Variants in ALPK1 observed in about 807,000 individuals in gnomAD.
ALPK1 encodes the protein alpha-protein kinase 1.
ALPK1 carries 110 observed loss-of-function variants against 120.6 expected under a neutral mutation model. That is an observed-to-expected ratio of 0.91 (90% confidence interval 0.78 to 1.07). The LOEUF (loss-of-function observed/expected upper bound fraction) is 1.07, where lower values mean the gene tolerates loss of function less well. Ranked by LOEUF, ALPK1 falls within the 50% of genes least tolerant of loss-of-function variation. The pLI, the probability that ALPK1 is intolerant of heterozygous loss-of-function variation, is 0.00. For synonymous variants in ALPK1, 582 were observed against 560.3 expected, an observed-to-expected ratio of 1.04 and a Z score of -0.55; for missense variants, 1,498 against 1,483.9, an observed-to-expected ratio of 1.01 and a Z score of -0.16.
intron 4 of ALPK1, among the ~76,000 whole-genome samples, chr4:112,390,763 A>G (rs759799585): frequency 5.3e-5 from 8 of 152,202 alleles, no homozygotes; most frequent in African/African-American, 1.9e-4. Flanking sequence ...ATGCCCATGT[A>G]TCTCTCAGGG....
In ALPK1 at chr4:112,314,796, C is replaced by T. The variant is rs1367973827; in HGVS notation, c.-152-1005C>T. 3.3e-5 allele frequency among the ~76,000 whole-genome samples: 5 copies of T among 150,254 alleles called. No homozygotes were observed. The East Asian group carries it at 9.7e-4, about 29-fold the overall frequency. On this transcript the variant is annotated intron_variant, in intron 1 of 15. Transcript: ENST00000650871. ...TCGACCTAGGATGGTGGTTTAGGGGCTGTAGGAGAATAAGCTGGCCTTTGA... is the reference window on the plus strand; with the variant it reads ...TCGACCTAGGATGGTGGTTTAGGGGTTGTAGGAGAATAAGCTGGCCTTTGA...
rs767060999 is a variant in ALPK1, at chr4:112,411,890, G to C, written c.340G>C (p.Val114Leu). The change falls in exon 5 of 16, where the codon GTG becomes CTG. Residue 114 changes from valine (V) to leucine (L), a missense_variant. Transcript: ENST00000650871. ...GGCTGCGGCGGCTATTGTGTTCTTG[G>C]TGGACCGGTTCCTGTATGGGCTCGA... ...CAAAAAIVFL[V>L]DRFLYGLDVS... is the part of the protein sequence containing the mutation. 4.3e-6 allele frequency: 7 copies of C among 1,613,938 alleles called. No homozygotes were observed. Among genetic ancestry groups the C allele is most frequent in the Non-Finnish European group, 5.9e-6 (7 of 1,180,034 alleles).
At chr4:112,349,476 G>A (rs139261001) in intron 2 of ALPK1, among the ~76,000 whole-genome samples, 1 of 150,778 alleles carries the variant, frequency 6.6e-6, no homozygotes, top group African/African-American at 2.4e-5. Context: ...AATTTTTTTT[G>A]TGTTTTACAT....
At position 112,430,499 on chromosome 4, in the gene ALPK1, C is replaced by A. The variant is rs112066923; in HGVS notation, c.952C>A (p.Pro318Thr). The change falls in exon 11 of 16, where the codon CCA (proline) becomes ACA (threonine). Residue 318 changes from proline to threonine, a missense_variant. By Grantham distance (38) the Pro-to-Thr change is conservative. Transcript: ENST00000650871. ...LSYSSSNDCP[P>T]ELKNLHLCEA... is the part of the protein sequence containing the mutation. ...CTACAGTAGTTCAAATGACTGTCCT[C>A]CAGAATTGAAAAACTTACATCTGTG... is the stretch of plus-strand genomic sequence containing the variant. 2.8e-5 allele frequency: 45 copies of A among 1,613,654 alleles called. 1 individual carries two copies. Among genetic ancestry groups the A allele is most frequent in the African/African-American group, 2.7e-4 (20 of 74,978 alleles).
intron 2 of ALPK1, chr4:112,358,241 G>A (rs1435155196): frequency 6.8e-6 from 4 of 588,026 alleles, no homozygotes; most frequent in Non-Finnish European, 1.3e-5. Context: ...GGTTGCCTTT[G>A]CAGACGCCAG....
intron 4 of ALPK1, among the ~76,000 whole-genome samples, chr4:112,393,140 C>G (rs1408695557): frequency 6.6e-6 from 1 of 152,160 alleles, no homozygotes; most frequent in Non-Finnish European, 1.5e-5. Context: ...ATGCAATTAA[C>G]CCAACAGATG....
intron 2 of ALPK1, among the ~76,000 whole-genome samples, chr4:112,333,977 AT>A (rs1430261684): frequency 2.0e-5 from 3 of 149,740 alleles, no homozygotes; most frequent in Admixed American, 6.6e-5. Context: ...ATTTTTATTT[AT>A]TTTTTAACTT....
chr4:112,405,809 T>C (rs1733146047), intron 4 of ALPK1, among the ~76,000 whole-genome samples: 1 of 152,138 alleles, frequency 6.6e-6, no homozygotes, highest in African/African-American at 2.4e-5. Context: ...ACTCCTGGCC[T>C]CATGATTCAC....
At chr4:112,382,042 A>G (rs566431417) in intron 3 of ALPK1, among the ~76,000 whole-genome samples, 73 of 152,304 alleles carry the variant, frequency 4.8e-4, no homozygotes, top group Middle Eastern at 6.8e-3. Context: ...ATTCCATTTC[A>G]GTCCCTTTCT....
At chr4:112,344,156 G>A (rs536126399) in intron 2 of ALPK1, among the ~76,000 whole-genome samples, 9 of 152,290 alleles carry the variant, frequency 5.9e-5, no homozygotes, top group Admixed American at 5.2e-4. Flanking sequence ...TCTTTAAACT[G>A]AAGTTTCTTC....
At chr4:112,304,162 G>GCACAAGTTCACACGTAGCT (rs1727918800) in intron 1 of ALPK1, among the ~76,000 whole-genome samples, 5 of 152,204 alleles carry the variant, frequency 3.3e-5, no homozygotes, top group South Asian at 2.1e-4. Flanking sequence ...ATGGACACTT[G>GCACAAGTTCACACGTAGCT]GATTGGTTCC....
At chr4:112,386,688 G>A (rs1334766843) in intron 4 of ALPK1, among the ~76,000 whole-genome samples, 1 of 152,126 alleles carries the variant, frequency 6.6e-6, no homozygotes, top group Non-Finnish European at 1.5e-5. Context: ...CTGCCCTATA[G>A]GCTTTGAAGT....
chr4:112,345,752 G>A (rs1730074230), intron 2 of ALPK1, among the ~76,000 whole-genome samples: 2 of 152,272 alleles, frequency 1.3e-5, no homozygotes, highest in East Asian at 1.9e-4. Context: ...ATAGTCCATA[G>A]CCAACCTTGA....
At position 112,439,683 on chromosome 4, in the gene ALPK1, C is replaced by T. The variant is rs772051358; in HGVS notation, c.3352-3C>T. The T allele has an allele frequency of 5.8e-5, 92 of 1,591,158 alleles. No individual in the cohort carries two copies. In the South Asian group the frequency reaches 9.0e-4, roughly 16 times the overall value. ...TGTAATGTTTCTCATTGCTATTTTT[C>T]AGATTTTAGAGGACAAGACAATAAA... On this transcript the variant is annotated splice_region_variant and splice_polypyrimidine_tract_variant and intron_variant, in intron 13 of 15. Transcript: ENST00000650871.
chr4:112,330,242 T>C (rs1165079953), intron 2 of ALPK1, among the ~76,000 whole-genome samples: 2 of 152,224 alleles, frequency 1.3e-5, no homozygotes, highest in Non-Finnish European at 2.9e-5. Context: ...AGTTCCTCTG[T>C]AAATGCAGAC....
Position 112,358,083 on chromosome 4 carries a change from G to C in ALPK1, c.-100-19595G>C, listed in dbSNP as rs1412665316. 3 of 586,698 alleles carry C rather than the reference G, an allele frequency of 5.1e-6. No individual in the cohort carries two copies. In the East Asian group the frequency reaches 1.2e-4, roughly 24 times the overall value. 36.3% of individuals were successfully genotyped at this position (586,698 alleles called of 1,614,324 possible). ...CATAGCCCCCACGCATGGACCCCCT[G>C]GTTGTCCTTAAGATGCGAGATGAAG... On this transcript the variant is annotated intron_variant, in intron 2 of 15. Coordinates refer to ENST00000650871, the MANE Select transcript of ALPK1 (RefSeq NM_025144.4).
Position 112,438,643 on chromosome 4 carries a change from A to G in ALPK1, c.3348A>G (p.Leu1116=), listed in dbSNP as rs758926218. The change falls in exon 13 of 16, where the codon CTA becomes CTG. Residue 1116 remains leucine, a synonymous_variant. Coordinates refer to ENST00000650871, the MANE Select transcript of ALPK1 (RefSeq NM_025144.4). ...TATTCTACATCCCATCCACAATACTACTGGTAAGATTATCCTGAACACATC... is the reference window on the plus strand; with the variant it reads ...TATTCTACATCCCATCCACAATACTGCTGGTAAGATTATCCTGAACACATC... ...TQIFYIPSTI[L]LILEDKTIKG... 1.3e-5 allele frequency: 21 copies of G among 1,613,124 alleles called. No individual in the cohort carries two copies. Among genetic ancestry groups the G allele is most frequent in the Non-Finnish European group, 1.6e-5 (19 of 1,179,426 alleles).
intron 13 of ALPK1, among the ~76,000 whole-genome samples, chr4:112,439,095 A>G: frequency 6.6e-6 from 1 of 152,190 alleles, no homozygotes. Context: ...AAAGGCTAAT[A>G]TTCCCATTGA....
Position 112,441,016 on chromosome 4 carries a change from G to C in ALPK1, c.3638G>C (p.Gly1213Ala). 4 of 1,613,962 alleles carry C rather than the reference G, an allele frequency of 2.5e-6. No individual in the cohort carries two copies. Among genetic ancestry groups the C allele is most frequent in the Non-Finnish European group, 3.4e-6 (4 of 1,179,922 alleles). ...TTCACTACCAATTTTGGAAAGAGAG[G>C]AATTTTTTACTTCTTTAATAACCAG... ...KVFTTNFGKR[G>A]IFYFFNNQHV... The change falls in exon 15 of 16, where the codon GGA becomes GCA. Residue 1213 changes from glycine (G) to alanine (A), a missense_variant. By Grantham distance (60) the Gly-to-Ala change is moderately conservative. Transcript: ENST00000650871.
Sources: gnomAD v4.1 joint callset for allele counts (sites outside exome capture counted in the v4.1 genomes callset) on GRCh38, gnomAD v4.1.1 for gene constraint, MANE v1.5 for transcripts, NCBI Gene and HGNC (gene_info 2026-07-23, HGNC 2026-07-21) for gene names.